Variants in NLRC4 observed in about 807,000 individuals in gnomAD.
NLRC4 encodes NLR family CARD domain containing 4, also known as NLR family CARD domain-containing protein 4.
In NLRC4, 63 loss-of-function variants were observed where a neutral mutation model predicts 79.9. The ratio of observed to expected loss-of-function variants is 0.79; its 90% CI spans 0.64 to 0.97. The LOEUF (loss-of-function observed/expected upper bound fraction) is 0.97, where lower values mean the gene tolerates loss of function less well. Among genes scored for constraint, NLRC4 ranks in the 50% least tolerant of loss-of-function variants. NLRC4 has a pLI of 0.00. For synonymous variants in NLRC4, 461 were observed against 456.5 expected (o/e 1.01, Z -0.12); for missense variants, 1,074 against 1,215.2 (o/e 0.88, Z 1.73).
chr2:32,245,076 G>A (rs924183547), intron 4 of NLRC4, among the ~76,000 whole-genome samples: 3 of 151,962 alleles, frequency 2.0e-5, no homozygotes, highest in African/African-American at 4.8e-5. Context: ...TTGGGTAGCC[G>A]AGGTGGGTGG....
At chr2:32,256,155 C>G (rs923106617) in intron 2 of NLRC4, among the ~76,000 whole-genome samples, 2 of 151,964 alleles carry the variant, frequency 1.3e-5, no homozygotes, top group African/African-American at 4.8e-5. Flanking sequence ...CTCATTTATT[C>G]ATTAATTATT....
At position 32,250,529 on chromosome 2, in the gene NLRC4, T is replaced by G; in HGVS notation, c.1335A>C (p.Ser445=). 6.2e-7 allele frequency: 1 copy of G among 1,614,258 alleles called. No individual in the cohort carries two copies. ...FKPKYKFFHK[S]FQEYTAGRRL... is the part of the protein sequence containing the mutation. The stretch of plus-strand genomic sequence containing the variant: ...TTCGTCCTGCTGTGTACTCCTGGAA[T>G]GACTTGTGAAAGAATTTATACTTTG... Residue 445 remains serine (S), a synonymous_variant, in exon 4 of 9, where the codon TCA becomes TCC. Transcript: ENST00000402280. The surrounding 1 kb of genome is among the most constrained non-coding windows in gnomAD (Gnocchi z 4.9).
At chr2:32,244,296 C>T (rs1686878215) in intron 4 of NLRC4, among the ~76,000 whole-genome samples, 1 of 151,948 alleles carries the variant, frequency 6.6e-6, no homozygotes. Flanking sequence ...AACATCCATC[C>T]ATGTAAAATG....
chr2:32,238,291 T>C lies in NLRC4; in HGVS notation c.2362A>G (p.Lys788Glu). The change falls in exon 6 of 9, where the codon AAA becomes GAA. Residue 788 changes from lysine to glutamate, a missense_variant. Lys to Glu is a moderately conservative substitution (Grantham distance 56). Transcript: ENST00000402280. ...AATAAACACATCTTCTTCAGGTTTT[T>C]CAGGCCTTCAGCTGAAAAATGATAG... ...EDAIKLAEGL[K>E]NLKKMCLFHL... 6.2e-7 allele frequency: 1 copy of C among 1,610,342 alleles called. No homozygotes were observed. The highest frequency in any genetic ancestry group is 2.2e-5 in the East Asian group (1 of 44,620).
intron 5 of NLRC4, 145 bp downstream of exon 5, chr2:32,240,888 G>C (rs1399966027): frequency 1.0e-5 from 6 of 583,726 alleles, no homozygotes; most frequent in South Asian, 2.0e-5. Context: ...AATGGCAGTA[G>C]GGAAAATGTC....
chr2:32,248,088 A>G (rs1347425944), intron 4 of NLRC4, among the ~76,000 whole-genome samples: 2 of 152,178 alleles, frequency 1.3e-5, no homozygotes, highest in African/African-American at 2.4e-5. Context: ...AGATTTCACC[A>G]CCACGAAATA....
chr2:32,238,114 A>C lies in NLRC4; in HGVS notation c.2521+18T>G. 1 of 1,602,806 alleles carries C rather than the reference A, an allele frequency of 6.2e-7. No homozygotes were observed. Among genetic ancestry groups the C allele is most frequent in the Non-Finnish European group, 8.5e-7 (1 of 1,171,312 alleles). ...TCTGTTATACTGTCCTCATTCAGTT[A>C]ATGGAAGCAACAGTTACCTAGGATT... On this transcript the variant is annotated intron_variant, in intron 6 of 8. Coordinates refer to ENST00000402280, the MANE Select transcript of NLRC4 (RefSeq NM_001199138.2).
intron 8 of NLRC4, among the ~76,000 whole-genome samples, chr2:32,233,145 GAA>G (rs1686580780): frequency 9.6e-5 from 2 of 20,888 alleles, no homozygotes; most frequent in Non-Finnish European, 1.8e-4. Flanking sequence ...AGGAAGGAAG[GAA>G]GGAAGGAAGG....
At chr2:32,229,744 T>C (rs565035870) in intron 8 of NLRC4, among the ~76,000 whole-genome samples, 4 of 152,118 alleles carry the variant, frequency 2.6e-5, no homozygotes, top group Non-Finnish European at 5.9e-5. Flanking sequence ...GTCAAGAGAA[T>C]GTTTTGAAAA....
Position 32,250,091 on chromosome 2 carries a change from G to A in NLRC4, c.1773C>T (p.Ile591=). ...CAAAGAAGTCAAATAAGTAATCGGG[G>A]ATGTTCCCTGAGTTGATATATAAGC... ...GKSLYINSGN[I]PDYLFDFFEH... is the part of the protein sequence containing the mutation. The change falls in exon 4 of 9, where the codon ATC becomes ATT. Residue 591 remains isoleucine, a synonymous_variant. Coordinates refer to ENST00000402280, the MANE Select transcript of NLRC4 (RefSeq NM_001199138.2). This position sits in a 1 kb window ranked among gnomAD's most constrained non-coding sequence, Gnocchi z 4.9. The A allele has an allele frequency of 6.2e-7, 1 of 1,614,178 alleles. No individual in the cohort carries two copies. The highest frequency in any genetic ancestry group is 8.5e-7 in the Non-Finnish European group (1 of 1,180,008).
At chr2:32,230,438 T>G (rs1439298150) in intron 8 of NLRC4, among the ~76,000 whole-genome samples, 1 of 151,716 alleles carries the variant, frequency 6.6e-6, no homozygotes, top group East Asian at 1.9e-4. Context: ...CTGCTGGGAT[T>G]ACAAACGTGA....
intron 6 of NLRC4, among the ~76,000 whole-genome samples, chr2:32,237,313 G>T (rs571598695): frequency 6.6e-6 from 1 of 152,052 alleles, no homozygotes; most frequent in South Asian, 2.1e-4. Context: ...TCTGGGTTTT[G>T]TGCTCTACAA....
chr2:32,255,871 G>C (rs938396872), intron 2 of NLRC4, among the ~76,000 whole-genome samples: 1 of 151,604 alleles, frequency 6.6e-6, no homozygotes. Context: ...AAAATTAGCT[G>C]GGCATGGTGG....
intron 1 of NLRC4, among the ~76,000 whole-genome samples, chr2:32,262,952 G>A (rs1687386840): frequency 6.6e-6 from 1 of 151,098 alleles, no homozygotes; most frequent in South Asian, 2.1e-4. Context: ...ATATATATAG[G>A]CAATCTGCCT....
At chr2:32,231,563 AT>A (rs1231593314) in intron 8 of NLRC4, among the ~76,000 whole-genome samples, 10 of 48,670 alleles carry the variant, frequency 2.1e-4, no homozygotes, top group South Asian at 8.0e-4. Context: ...TTCTTTTTCT[AT>A]TTTTTTTTGT....
intron 8 of NLRC4, 96 bp downstream of exon 8, chr2:32,235,305 A>G (rs1686646083): frequency 1.2e-6 from 1 of 840,460 alleles, no homozygotes; most frequent in African/African-American, 1.7e-5. Flanking sequence ...AAAAAGAGGA[A>G]GCAAAATAAA....
intron 7 of NLRC4, 95 bp downstream of exon 7, chr2:32,236,152 C>T (rs560338168): frequency 2.8e-6 from 2 of 707,320 alleles, no homozygotes; most frequent in Non-Finnish European, 2.4e-6. Context: ...GTAAGGCACA[C>T]ATGGGTATAA....
intron 4 of NLRC4, among the ~76,000 whole-genome samples, chr2:32,246,167 G>T (rs1424065159): frequency 6.6e-6 from 1 of 152,170 alleles, no homozygotes; most frequent in Non-Finnish European, 1.5e-5. Flanking sequence ...CTGGGTGACA[G>T]AGTGAGACCC....
In NLRC4 at chr2:32,251,577, C is replaced by A. The variant is rs1558458628; in HGVS notation, c.287G>T (p.Gly96Val). 6.2e-7 allele frequency: 1 copy of A among 1,602,682 alleles called. No homozygotes were observed. The highest frequency in any genetic ancestry group is 1.7e-5 in the Admixed American group (1 of 58,054). ...ATCCTGAGCCAAATCGTCCAAGTCTCCTTCTGATGTCTGATGAAAAAGACC... is the reference window on the plus strand; with the variant it reads ...ATCCTGAGCCAAATCGTCCAAGTCTACTTCTGATGTCTGATGAAAAAGACC... ...GQSLFHQTSE[G>V]DLDDLAQDLK... The change falls in exon 4 of 9, where the codon GGA becomes GTA. Residue 96 changes from glycine (G) to valine (V), a missense_variant. Physicochemically the swap from Gly to Val is moderately radical, Grantham distance 109. Transcript: ENST00000402280.
Sources: allele counts gnomAD v4.1 joint callset (sites outside exome capture counted in the v4.1 genomes callset), GRCh38; gene constraint gnomAD v4.1.1; non-coding constraint Gnocchi (gnomAD v3.1); transcripts MANE v1.5; gene names NCBI Gene and HGNC (gene_info 2026-07-23, HGNC 2026-07-21).